CADM1: variants seen among roughly 807,000 people sequenced by gnomAD.
CADM1 encodes the protein cell adhesion molecule 1.
Under a neutral mutation model 53.1 loss-of-function variants are expected in CADM1, and 15 were observed. The observed-to-expected ratio is 0.28, with a 90% CI of 0.19 to 0.44. CADM1 has a LOEUF of 0.44. Among genes scored for constraint, CADM1 ranks in the 20% least tolerant of loss-of-function variants. The probability of loss-of-function intolerance (pLI) is 1.00; values close to 1 mark genes in which losing one functional copy is unlikely to be tolerated. For missense variants in CADM1, 434 were observed against 611.3 expected (o/e 0.71, Z 3.06); for synonymous variants, 281 against 243.0 (o/e 1.16, Z -1.45).
chr11:115,317,983 T>C (rs893145474), intron 1 of CADM1, among the ~76,000 whole-genome samples: 16 of 149,084 alleles, frequency 1.1e-4, no homozygotes, highest in Non-Finnish European at 4.5e-5. Context: ...TATTACACAC[T>C]ACACACACAC....
chr11:115,306,640 A>G (rs1944382224), intron 1 of CADM1, among the ~76,000 whole-genome samples: 1 of 152,008 alleles, frequency 6.6e-6, no homozygotes, highest in East Asian at 1.9e-4. Context: ...CTTCCGGGTC[A>G]TTAACAAGTA....
intron 1 of CADM1, among the ~76,000 whole-genome samples, chr11:115,341,151 A>C (rs1160183165): frequency 6.6e-6 from 1 of 152,162 alleles, no homozygotes; most frequent in Non-Finnish European, 1.5e-5. Flanking sequence ...CTGATGGTAA[A>C]ATCTGCATAT....
At chr11:115,382,120 C>T (rs938520953) in intron 1 of CADM1, among the ~76,000 whole-genome samples, 3 of 152,172 alleles carry the variant, frequency 2.0e-5, no homozygotes, top group African/African-American at 4.8e-5. Flanking sequence ...GCTGGGATTA[C>T]AGGCGTGAGC....
At chr11:115,359,192 C>T (rs1053400822) in intron 1 of CADM1, among the ~76,000 whole-genome samples, 2 of 152,132 alleles carry the variant, frequency 1.3e-5, no homozygotes, top group South Asian at 2.1e-4. Context: ...TGAAGACTGA[C>T]AGTTTTCCAG....
intron 1 of CADM1, among the ~76,000 whole-genome samples, chr11:115,350,666 G>C (rs780326065): frequency 6.6e-6 from 1 of 151,188 alleles, no homozygotes; most frequent in Non-Finnish European, 1.5e-5. Flanking sequence ...TATATAAAAC[G>C]AAACAATGCT....
chr11:115,496,810 A>G (rs1284136262), intron 1 of CADM1, among the ~76,000 whole-genome samples: 1 of 152,122 alleles, frequency 6.6e-6, no homozygotes, highest in East Asian at 1.9e-4. Context: ...GAGGGGAAAA[A>G]AGACTCCAAA....
intron 1 of CADM1, among the ~76,000 whole-genome samples, chr11:115,466,479 T>C (rs1258589298): frequency 6.6e-6 from 1 of 152,108 alleles, no homozygotes; most frequent in East Asian, 1.9e-4. Context: ...TAAACATCCA[T>C]TAATACAACC....
At chr11:115,456,365 A>G (rs1197921807) in intron 1 of CADM1, among the ~76,000 whole-genome samples, 5 of 152,162 alleles carry the variant, frequency 3.3e-5, no homozygotes, top group African/African-American at 9.6e-5. Context: ...GATTCTACAT[A>G]CTTGATAGGG....
intron 1 of CADM1, among the ~76,000 whole-genome samples, chr11:115,283,920 T>C (rs1198713763): frequency 6.6e-6 from 1 of 152,148 alleles, no homozygotes; most frequent in Admixed American, 6.5e-5. Flanking sequence ...TCTCCAGTGC[T>C]CAAATGTCTC....
chr11:115,242,148 T>C (rs1321948351), intron 1 of CADM1, among the ~76,000 whole-genome samples: 1 of 151,938 alleles, frequency 6.6e-6, no homozygotes, highest in African/African-American at 2.4e-5. Context: ...AAATTTCTGA[T>C]GCTTGAGGAG....
chr11:115,459,037 G>T (rs1948739719), intron 1 of CADM1, among the ~76,000 whole-genome samples: 1 of 152,150 alleles, frequency 6.6e-6, no homozygotes, highest in South Asian at 2.1e-4. Context: ...CATGTGCATG[G>T]ATTCATGATG....
Position 115,421,857 on chromosome 11 carries a change from G to A in CADM1, c.124+82414C>T, listed in dbSNP as rs554391439. On this transcript the variant is annotated intron_variant, in intron 1 of 11. Transcript: ENST00000331581. ...GCCTGCCAGATATAAAAGGGATCACGTCTCAACAGATAAGACTTGATAGAT... is the reference window on the plus strand; with the variant it reads ...GCCTGCCAGATATAAAAGGGATCACATCTCAACAGATAAGACTTGATAGAT... Among the ~76,000 whole-genome samples the A allele has an allele frequency of 9.2e-5, 14 of 152,278 alleles. No individual in the cohort carries two copies. The South Asian group carries it at 1.2e-3, about 14-fold the overall frequency.
intron 1 of CADM1, among the ~76,000 whole-genome samples, chr11:115,340,653 TATATA>T (rs1458419281): frequency 9.9e-4 from 37 of 37,430 alleles, no homozygotes; most frequent in African/African-American, 1.8e-3. Context: ...TATATATATA[TATATA>T]TTTTTTTTTT....
chr11:115,324,844 G>A (rs186624232), intron 1 of CADM1, among the ~76,000 whole-genome samples: 108 of 152,252 alleles, frequency 7.1e-4, no homozygotes, highest in African/African-American at 2.4e-3. Context: ...TTGAAGCGCT[G>A]AAGAATTTGC....
At chr11:115,235,169 GTTTTT>G (rs35400691) in intron 3 of CADM1, among the ~76,000 whole-genome samples, 1 of 143,108 alleles carries the variant, frequency 7.0e-6, no homozygotes. Context: ...ACTTTGCTCA[GTTTTT>G]TTTTTTTAAG....
At chr11:115,361,021 T>G (rs10891841) in intron 1 of CADM1, among the ~76,000 whole-genome samples, 2,802 of 152,308 alleles carry the variant, frequency 0.018, 223 homozygotes, top group East Asian at 0.16. Context: ...ACATTTTGAT[T>G]AAGAACCCCC....
intron 1 of CADM1, among the ~76,000 whole-genome samples, chr11:115,349,688 AC>A (rs1175759806): frequency 1.3e-5 from 2 of 152,144 alleles, no homozygotes; most frequent in Non-Finnish European, 2.9e-5. Context: ...AATAGCAAAA[AC>A]TTGTCATCTT....
At chr11:115,373,312 C>G (rs928975229) in intron 1 of CADM1, among the ~76,000 whole-genome samples, 7 of 152,090 alleles carry the variant, frequency 4.6e-5, no homozygotes, top group African/African-American at 1.7e-4. Context: ...TGGCCAGGCG[C>G]ACTGGCTCAT....
At chr11:115,301,623 G>A (rs1158741200) in intron 1 of CADM1, among the ~76,000 whole-genome samples, 1 of 151,990 alleles carries the variant, frequency 6.6e-6, no homozygotes, top group East Asian at 1.9e-4. Context: ...CATGTTCTGT[G>A]AGCAGTAATA....
Sources: allele counts gnomAD v4.1 joint callset (sites outside exome capture counted in the v4.1 genomes callset), GRCh38; gene constraint gnomAD v4.1.1; transcripts MANE v1.5; gene names NCBI Gene and HGNC (gene_info 2026-07-23, HGNC 2026-07-21).